Variants in RBMS3 observed in about 807,000 individuals in gnomAD.
The protein encoded by RBMS3 is RNA binding motif single stranded interacting protein 3, also known as RNA-binding motif, single-stranded-interacting protein 3.
RBMS3 carries 27 observed loss-of-function variants against 66.8 expected under a neutral mutation model. The observed-to-expected ratio is 0.40, with a 90% CI of 0.30 to 0.56. The LOEUF (loss-of-function observed/expected upper bound fraction) is 0.56. Ranked by LOEUF, RBMS3 falls within the 20% of genes least tolerant of loss-of-function variation. The pLI is 0.40. For missense variants in RBMS3, 513 were observed against 549.5 expected (o/e 0.93, Z 0.66); for synonymous variants, 188 against 183.0 (o/e 1.03, Z -0.22).
At chr3:29,356,184 C>T (rs542306271) in intron 1 of RBMS3, among the ~76,000 whole-genome samples, 9 of 152,220 alleles carry the variant, frequency 5.9e-5, no homozygotes, top group Admixed American at 1.3e-4. Flanking sequence ...TTACTGTAGA[C>T]GTGGAAGGGT....
At chr3:29,288,481 T>C (rs1478211135) in intron 1 of RBMS3, among the ~76,000 whole-genome samples, 1 of 151,976 alleles carries the variant, frequency 6.6e-6, no homozygotes, top group African/African-American at 2.4e-5. Context: ...TTTCCAGCTT[T>C]ATTGTGGTGG....
At chr3:29,617,594 G>A (rs2048713709) in intron 4 of RBMS3, among the ~76,000 whole-genome samples, 1 of 152,078 alleles carries the variant, frequency 6.6e-6, no homozygotes, top group African/African-American at 2.4e-5. Flanking sequence ...TCTTTGCTTT[G>A]CCATATAGGA....
At chr3:29,770,088 T>G (rs971007390) in intron 6 of RBMS3, among the ~76,000 whole-genome samples, 4 of 151,940 alleles carry the variant, frequency 2.6e-5, no homozygotes, top group Non-Finnish European at 5.9e-5. Context: ...AACAGTGCAA[T>G]GATGAATTCT....
chr3:29,465,118 T>C (rs942312186), intron 2 of RBMS3, among the ~76,000 whole-genome samples: 4 of 152,206 alleles, frequency 2.6e-5, no homozygotes, highest in Non-Finnish European at 4.4e-5. Flanking sequence ...TGAAGGAATG[T>C]ACAGTATCCA....
In RBMS3 at chr3:29,435,989, G is replaced by A. The variant is rs1367315943; in HGVS notation, c.248+1074G>A. Among the ~76,000 whole-genome samples the A allele has an allele frequency of 1.4e-3, 175 of 124,962 alleles. 11 individuals carry two copies. The highest frequency in any genetic ancestry group is 3.2e-3 in the East Asian group (13 of 4,002). The allele number at this position is 124,962 out of a possible 152,430, so 82.0% of individuals were successfully genotyped here. On this transcript the variant is annotated intron_variant, in intron 2 of 14. Transcript: ENST00000383767. Reference sequence around the variant, plus strand: ...ACTCCGTCTCAAAAAAAAAAAAGAAGACGAATCGTAGACCTGTATTTTTTG... The same window carrying A: ...ACTCCGTCTCAAAAAAAAAAAAGAAAACGAATCGTAGACCTGTATTTTTTG...
At chr3:29,853,515 C>A (rs1559739302) in intron 6 of RBMS3, among the ~76,000 whole-genome samples, 1 of 146,884 alleles carries the variant, frequency 6.8e-6, no homozygotes, top group Non-Finnish European at 1.5e-5. Flanking sequence ...AGTGGGTAGC[C>A]GTTGCCAGCT....
chr3:29,421,525 T>C (rs1324094494), intron 1 of RBMS3, among the ~76,000 whole-genome samples: 1 of 152,220 alleles, frequency 6.6e-6, no homozygotes, highest in African/African-American at 2.4e-5. Flanking sequence ...TGGTGTGTTA[T>C]TTAACGTATA....
intron 6 of RBMS3, chr3:29,767,267 G>T (rs1034255402): frequency 1.5e-4 from 23 of 151,912 alleles, no homozygotes; most frequent in Non-Finnish European, 3.4e-4. Flanking sequence ...AGGCCGGTTT[G>T]TAAAAAAATA....
chr3:29,522,396 G>A (rs974822828), intron 3 of RBMS3, among the ~76,000 whole-genome samples: 27 of 152,176 alleles, frequency 1.8e-4, no homozygotes, highest in Non-Finnish European at 3.1e-4. Context: ...GTTTTATCAC[G>A]TTGGCCAGGC....
chr3:29,635,782 A>G (rs11721004), intron 4 of RBMS3, among the ~76,000 whole-genome samples: 34,389 of 151,794 alleles, frequency 0.23, 4,112 homozygotes, highest in Middle Eastern at 0.32. Context: ...CTTTTGAAGT[A>G]TAATAGTTTT....
In RBMS3 at chr3:29,554,930, T is replaced by C. The variant is rs564185019; in HGVS notation, c.308-32184T>C. ...GGCCATGATTAGATTAGTGCTTCAG[T>C]AGAAAGATGGTTGCATTGATATGAA... On this transcript the variant is annotated intron_variant, in intron 3 of 14. Coordinates refer to ENST00000383767, the MANE Select transcript of RBMS3 (RefSeq NM_001003793.3). Among the ~76,000 whole-genome samples, 8 of 152,268 alleles carry C rather than the reference T, an allele frequency of 5.3e-5. No individual in the cohort carries two copies. The East Asian group carries it at 1.5e-3, about 29-fold the overall frequency.
intron 4 of RBMS3, among the ~76,000 whole-genome samples, chr3:29,647,451 A>G (rs911406237): frequency 1.3e-5 from 2 of 152,244 alleles, no homozygotes; most frequent in Non-Finnish European, 1.5e-5. Flanking sequence ...AAGTTTTCCC[A>G]TGAGACATTT....
At chr3:29,665,239 C>T (rs921860810) in intron 4 of RBMS3, among the ~76,000 whole-genome samples, 2 of 152,078 alleles carry the variant, frequency 1.3e-5, no homozygotes, top group African/African-American at 2.4e-5. Flanking sequence ...TTTACTGTTA[C>T]TTTTTAAACA....
intron 6 of RBMS3, among the ~76,000 whole-genome samples, chr3:29,784,399 A>G (rs1235967897): frequency 1.3e-5 from 2 of 152,142 alleles, no homozygotes; most frequent in East Asian, 1.9e-4. Context: ...AAACCATGCA[A>G]TTACATGGAT....
chr3:29,718,609 G>A (rs1461992322), intron 4 of RBMS3, among the ~76,000 whole-genome samples: 1 of 152,052 alleles, frequency 6.6e-6, no homozygotes, highest in South Asian at 2.1e-4. Context: ...TTGCCCCAGA[G>A]TGTTAACTCC....
chr3:29,995,854 A>G (rs1699193970), intron 14 of RBMS3, among the ~76,000 whole-genome samples: 3 of 152,182 alleles, frequency 2.0e-5, no homozygotes, highest in African/African-American at 7.2e-5. Context: ...AAGAAACTGC[A>G]TCAACTAATG....
At chr3:29,464,787 C>T (rs923349625) in intron 2 of RBMS3, among the ~76,000 whole-genome samples, 1 of 152,170 alleles carries the variant, frequency 6.6e-6, no homozygotes, top group Non-Finnish European at 1.5e-5. Flanking sequence ...TGTTCACCCC[C>T]ACCTTATTCC....
chr3:29,395,816 G>T (rs2039520525), intron 1 of RBMS3, among the ~76,000 whole-genome samples: 1 of 152,166 alleles, frequency 6.6e-6, no homozygotes, highest in African/African-American at 2.4e-5. Context: ...AATAAAGGGT[G>T]TTGAGTGTGT....
At chr3:29,463,422 A>G (rs539903132) in intron 2 of RBMS3, among the ~76,000 whole-genome samples, 9 of 152,178 alleles carry the variant, frequency 5.9e-5, no homozygotes, top group Non-Finnish European at 1.3e-4. Context: ...ATCCAGAGCT[A>G]CATGTGTGGT....
Sources: gnomAD v4.1 joint callset for allele counts (sites outside exome capture counted in the v4.1 genomes callset) on GRCh38, gnomAD v4.1.1 for gene constraint, MANE v1.5 for transcripts, NCBI Gene and HGNC (gene_info 2026-07-23, HGNC 2026-07-21) for gene names.